CRPPA: variants seen among roughly 807,000 people sequenced by gnomAD.
CRPPA encodes the protein CDP-L-ribitol pyrophosphorylase A, also known as D-ribitol-5-phosphate cytidylyltransferase.
Under a neutral mutation model 52.0 loss-of-function variants are expected in CRPPA, and 43 were observed. The ratio of observed to expected loss-of-function variants is 0.83; its 90% CI spans 0.65 to 1.07. The LOEUF is 1.07. Ranked by LOEUF, CRPPA falls within the 50% of genes least tolerant of loss-of-function variation. The pLI is 0.00. For synonymous variants in CRPPA, 250 were observed against 203.5 expected (o/e 1.23, Z -1.94); for missense variants, 629 against 551.7 (o/e 1.14, Z -1.40).
chr7:16,397,896 A>G (rs1429337455), intron 2 of CRPPA, among the ~76,000 whole-genome samples: 1 of 152,158 alleles, frequency 6.6e-6, no homozygotes, highest in Admixed American at 6.5e-5. Flanking sequence ...CGTGTGACCA[A>G]AGCATGTTTG....
chr7:16,409,692 A>G (rs950276051), intron 1 of CRPPA, among the ~76,000 whole-genome samples: 1 of 152,234 alleles, frequency 6.6e-6, no homozygotes, highest in African/African-American at 2.4e-5. Flanking sequence ...AATCTTTACA[A>G]TACTTCTACA....
intron 3 of CRPPA, among the ~76,000 whole-genome samples, chr7:16,331,265 C>G (rs1785546694): frequency 6.6e-6 from 1 of 152,164 alleles, no homozygotes; most frequent in Non-Finnish European, 1.5e-5. Flanking sequence ...TCCCAAAGTG[C>G]TGGGATTACA....
chr7:16,209,807 A>C (rs1369763748), intron 9 of CRPPA, among the ~76,000 whole-genome samples: 1 of 152,208 alleles, frequency 6.6e-6, no homozygotes, highest in Non-Finnish European at 1.5e-5. Flanking sequence ...TTTGGTATCT[A>C]AAAGCATATG....
chr7:16,282,490 G>A (rs775819580), intron 5 of CRPPA, among the ~76,000 whole-genome samples: 43 of 151,970 alleles, frequency 2.8e-4, no homozygotes, highest in Non-Finnish European at 3.8e-4. Context: ...AAAGGGTGAC[G>A]GAAAAGGTGA....
At chr7:16,100,649 C>G (rs1258650613) in intron 9 of CRPPA, among the ~76,000 whole-genome samples, 1 of 152,186 alleles carries the variant, frequency 6.6e-6, no homozygotes, top group Non-Finnish European at 1.5e-5. Context: ...TTATTTCCTT[C>G]CCTTGCCTGA....
intron 9 of CRPPA, among the ~76,000 whole-genome samples, chr7:16,152,903 T>G (rs1038937594): frequency 1.3e-5 from 2 of 152,056 alleles, no homozygotes; most frequent in African/African-American, 4.8e-5. Flanking sequence ...TAGTTTCTAA[T>G]GTACACTTCT....
At chr7:16,316,390 T>A (rs888264628) in intron 3 of CRPPA, among the ~76,000 whole-genome samples, 9 of 152,164 alleles carry the variant, frequency 5.9e-5, no homozygotes, top group Non-Finnish European at 1.3e-4. Flanking sequence ...AAAAGTTATA[T>A]TGTCATGTTA....
intron 8 of CRPPA, among the ~76,000 whole-genome samples, chr7:16,249,773 G>C (rs1476209724): frequency 6.6e-6 from 1 of 152,162 alleles, no homozygotes; most frequent in Non-Finnish European, 1.5e-5. Context: ...AAGATGGGGA[G>C]AAACCAGTGC....
chr7:16,362,260 G>A (rs1786473277), intron 3 of CRPPA, among the ~76,000 whole-genome samples: 1 of 152,176 alleles, frequency 6.6e-6, no homozygotes, highest in South Asian at 2.1e-4. Context: ...TCACAGCGTG[G>A]AGGCTGGAAA....
In CRPPA at chr7:16,247,056, G is replaced by T. The variant is rs138914666; in HGVS notation, c.1119+11334C>A. Among the ~76,000 whole-genome samples the T allele has an allele frequency of 2.2e-3, 335 of 152,330 alleles. 4 individuals are homozygous for T. The highest frequency in any genetic ancestry group is 4.4e-3 in the East Asian group (23 of 5,188). ...ATTGAAAAATCTGTCATTTAGCATT[G>T]CTATGTTCATCAATTATCTCAGCTA... is the stretch of plus-strand genomic sequence containing the variant. On this transcript the variant is annotated intron_variant, in intron 8 of 9. Coordinates refer to ENST00000407010, the MANE Select transcript of CRPPA (RefSeq NM_001101426.4).
At chr7:16,244,612 T>G (rs1176933641) in intron 8 of CRPPA, among the ~76,000 whole-genome samples, 1 of 152,200 alleles carries the variant, frequency 6.6e-6, no homozygotes, top group South Asian at 2.1e-4. Flanking sequence ...CCCACCTAAG[T>G]TGACATTCAG....
At chr7:16,391,174 C>T (rs1787433513) in intron 2 of CRPPA, among the ~76,000 whole-genome samples, 1 of 152,096 alleles carries the variant, frequency 6.6e-6, no homozygotes, top group Non-Finnish European at 1.5e-5. Context: ...TGGTATTACC[C>T]ACTCCACAGC....
At chr7:16,219,294 T>C (rs1782431462) in intron 8 of CRPPA, among the ~76,000 whole-genome samples, 1 of 148,528 alleles carries the variant, frequency 6.7e-6, no homozygotes, top group Admixed American at 6.8e-5. Context: ...TTCAAAGCAG[T>C]GTGTAGAGGG....
chr7:16,379,237 T>G (rs1196538212), intron 2 of CRPPA, among the ~76,000 whole-genome samples: 1 of 152,194 alleles, frequency 6.6e-6, no homozygotes, highest in East Asian at 1.9e-4. Flanking sequence ...TTTTATGGTT[T>G]TAGGTCTAAC....
At chr7:16,146,931 G>A (rs1562525879) in intron 9 of CRPPA, among the ~76,000 whole-genome samples, 2 of 152,204 alleles carry the variant, frequency 1.3e-5, no homozygotes, top group Admixed American at 6.5e-5. Flanking sequence ...AACTTTAAGT[G>A]TAAAGAGATT....
At chr7:16,099,244 C>T (rs572530654) in intron 9 of CRPPA, among the ~76,000 whole-genome samples, 3 of 147,972 alleles carry the variant, frequency 2.0e-5, no homozygotes, top group Non-Finnish European at 4.5e-5. Context: ...CAGAGCAAGA[C>T]CCTATCTCTT....
At chr7:16,278,734 T>C (rs1784260681) in intron 5 of CRPPA, among the ~76,000 whole-genome samples, 1 of 152,218 alleles carries the variant, frequency 6.6e-6, no homozygotes, top group South Asian at 2.1e-4. Context: ...GTTTTGACTA[T>C]TGCACTAACA....
intron 9 of CRPPA, among the ~76,000 whole-genome samples, chr7:16,124,175 C>T (rs1295859381): frequency 6.6e-6 from 1 of 151,112 alleles, no homozygotes; most frequent in African/African-American, 2.4e-5. Flanking sequence ...TTTACATTCC[C>T]ACCAATGGTG....
chr7:16,123,734 G>A (rs988307061), intron 9 of CRPPA, among the ~76,000 whole-genome samples: 3 of 152,042 alleles, frequency 2.0e-5, no homozygotes, highest in Non-Finnish European at 4.4e-5. Flanking sequence ...TTCTAAATTC[G>A]TGATTGTTTA....
Sources: allele counts gnomAD v4.1 joint callset (sites outside exome capture counted in the v4.1 genomes callset), GRCh38; gene constraint gnomAD v4.1.1; transcripts MANE v1.5; gene names NCBI Gene and HGNC (gene_info 2026-07-23, HGNC 2026-07-21).